Variants in USP43 observed in about 807,000 individuals in gnomAD.
USP43 encodes the protein ubiquitin carboxyl-terminal hydrolase 43.
USP43 carries 33 observed loss-of-function variants against 90.7 expected under a neutral mutation model. The ratio of observed to expected loss-of-function variants is 0.36; its 90% CI spans 0.28 to 0.49. The LOEUF is 0.49. Ranked by LOEUF, USP43 falls within the 20% of genes least tolerant of loss-of-function variation. The probability of loss-of-function intolerance (pLI) is 0.98; values close to 1 mark genes in which losing one functional copy is unlikely to be tolerated. For missense variants in USP43, 1,274 were observed against 1,476.4 expected (o/e 0.86, Z 2.25); for synonymous variants, 598 against 615.8 (o/e 0.97, Z 0.43).
At position 9,712,104 on chromosome 17, in the gene USP43, C is replaced by T. The variant is rs200010925; in HGVS notation, c.2307C>T (p.Phe769=). The part of the protein sequence containing the change: ...SLPQVPDSPI[F]TNSLCNQEKG... The stretch of plus-strand genomic sequence containing the variant: ...CCCAGGTTCCTGACTCTCCCATCTT[C>T]ACCAACAGCCTCTGCAATCAGGAAA... The change falls in exon 14 of 15, where the codon TTC becomes TTT. Residue 769 remains phenylalanine, a synonymous_variant. Coordinates refer to ENST00000285199, the MANE Select transcript of USP43 (RefSeq NM_153210.5). 98 of 1,601,152 alleles carry T rather than the reference C, an allele frequency of 6.1e-5. No individual in the cohort carries two copies. The African/African-American group carries it at 1.2e-3, about 19-fold the overall frequency.
chr17:9,682,452 C>T (rs984766551), intron 6 of USP43, among the ~76,000 whole-genome samples: 1 of 152,162 alleles, frequency 6.6e-6, no homozygotes, highest in Non-Finnish European at 1.5e-5. Flanking sequence ...CATCCACAAT[C>T]CCAGCTACTG....
At chr17:9,647,345 A>G (rs765908976) in intron 1 of USP43, among the ~76,000 whole-genome samples, 7 of 152,102 alleles carry the variant, frequency 4.6e-5, no homozygotes, top group Non-Finnish European at 7.4e-5. Context: ...GTTGTCACTA[A>G]ATGTCTCTTT....
chr17:9,686,905 T>G lies in USP43; in HGVS notation c.1349T>G (p.Val450Gly). ...VRHLMKSEAP[V>G]QNLGSLFSIR... ...CATCTTATGAAGAGTGAGGCCCCTG[T>G]ACAGGTCAGTGGTGTGCATGCGTGT... Residue 450 changes from valine (V) to glycine (G), a missense_variant, in exon 8 of 15, where the codon GTA becomes GGA. This residue lies in a region of USP43 where 253 missense variants were observed against 276.0 expected (regional missense o/e 0.92). Coordinates refer to ENST00000285199, the MANE Select transcript of USP43 (RefSeq NM_153210.5). The surrounding 1 kb of genome is among the most constrained non-coding windows in gnomAD (Gnocchi z 5.5). 2 of 1,613,102 alleles carry G rather than the reference T, an allele frequency of 1.2e-6. No individual in the cohort carries two copies. The highest frequency in any genetic ancestry group is 1.7e-6 in the Non-Finnish European group (2 of 1,179,782).
At chr17:9,659,133 A>G (rs1433497268) in intron 2 of USP43, among the ~76,000 whole-genome samples, 1 of 152,180 alleles carries the variant, frequency 6.6e-6, no homozygotes, top group Non-Finnish European at 1.5e-5. Context: ...AGATAAACAT[A>G]TGTCTACTAT....
Position 9,686,897 on chromosome 17 carries a change from G to A in USP43, c.1341G>A (p.Glu447=). ...LSKVRHLMKS[E]APVQNLGSLF... ...AGGTCCGCCATCTTATGAAGAGTGA[G>A]GCCCCTGTACAGGTCAGTGGTGTGC... Residue 447 remains glutamate, a synonymous_variant, in exon 8 of 15, where the codon GAG becomes GAA. Coordinates refer to ENST00000285199, the MANE Select transcript of USP43 (RefSeq NM_153210.5). This position sits in a 1 kb window ranked among gnomAD's most constrained non-coding sequence, Gnocchi z 5.5. The A allele has an allele frequency of 6.2e-7, 1 of 1,613,486 alleles. No individual in the cohort carries two copies. Among genetic ancestry groups the A allele is most frequent in the Non-Finnish European group, 8.5e-7 (1 of 1,179,834 alleles).
rs144258379 is a variant in USP43, at chr17:9,668,822, T to G, written c.740+2071T>G. On this transcript the variant is annotated intron_variant, in intron 3 of 14. Coordinates refer to ENST00000285199, the MANE Select transcript of USP43 (RefSeq NM_153210.5). ...AAAGCTATTGGCCATGAAAGCCGCT[T>G]GTAGGGCATCTGTCTTATTTATTTA... 8.5e-5 allele frequency among the ~76,000 whole-genome samples: 13 copies of G among 152,078 alleles called. No individual in the cohort carries two copies. In the East Asian group the frequency reaches 2.5e-3, roughly 29 times the overall value.
chr17:9,680,739 G>C (rs773632403), intron 6 of USP43, among the ~76,000 whole-genome samples: 1 of 151,944 alleles, frequency 6.6e-6, no homozygotes, highest in African/African-American at 2.4e-5. Flanking sequence ...ACCACTATTT[G>C]GTATAGATGC....
intron 12 of USP43, among the ~76,000 whole-genome samples, chr17:9,706,968 A>T (rs572114864): frequency 6.6e-6 from 1 of 152,226 alleles, no homozygotes; most frequent in East Asian, 1.9e-4. Context: ...TAGAACTAAC[A>T]TATGTAAGAT....
rs970553048 is a variant in USP43, at chr17:9,700,968, G to A, written c.1536-151G>A. 4 of 903,382 alleles carry A rather than the reference G, an allele frequency of 4.4e-6. No individual in the cohort carries two copies. In the East Asian group the frequency reaches 1.2e-4, roughly 27 times the overall value. 56.0% of individuals were successfully genotyped at this position (903,382 alleles called of 1,614,324 possible). On this transcript the variant is annotated intron_variant, in intron 10 of 14. Transcript: ENST00000285199. ...GTAAAATATAGTGCTGAGTCAGAAGGATGCCTGCAGCTCTCCAGGAACCCA... is the reference window on the plus strand; with the variant it reads ...GTAAAATATAGTGCTGAGTCAGAAGAATGCCTGCAGCTCTCCAGGAACCCA...
rs1357585402 is a variant in USP43 at position 9,680,257 on chromosome 17, T to C, written c.996T>C (p.Ser332=). 1 of 1,613,906 alleles carries C rather than the reference T, an allele frequency of 6.2e-7. No individual in the cohort carries two copies. Among genetic ancestry groups the C allele is most frequent in the Non-Finnish European group, 8.5e-7 (1 of 1,179,846 alleles). ...DEVILVELYP[S]GFQRSFFDEE... is the part of the protein sequence containing the mutation. ...TGATCTTGGTTGAACTGTATCCCAG[T>C]GGATTCCAGCGGTCTTTCTTTGATG... Residue 332 remains serine, a synonymous_variant, in exon 6 of 15, where the codon AGT becomes AGC. Coordinates refer to ENST00000285199, the MANE Select transcript of USP43 (RefSeq NM_153210.5).
At chr17:9,698,635 A>C (rs1219945312) in intron 9 of USP43, among the ~76,000 whole-genome samples, 6 of 152,296 alleles carry the variant, frequency 3.9e-5, no homozygotes, top group South Asian at 4.1e-4. Flanking sequence ...CTCTAGTGAC[A>C]ATCTGATTTC....
chr17:9,675,988 G>A (rs962567771), intron 4 of USP43, among the ~76,000 whole-genome samples: 32 of 152,128 alleles, frequency 2.1e-4, no homozygotes, highest in African/African-American at 7.0e-4. Context: ...GCAGTTATTG[G>A]AGTACAGATC....
chr17:9,669,425 A>G (rs1913250292), intron 3 of USP43, among the ~76,000 whole-genome samples: 3 of 152,092 alleles, frequency 2.0e-5, no homozygotes, highest in Admixed American at 6.5e-5. Flanking sequence ...GTGCCTGCTA[A>G]TGTGCTTGGT....
chr17:9,681,509 T>TATATATATATATATATA (rs58110468), intron 6 of USP43, among the ~76,000 whole-genome samples: 2 of 110,686 alleles, frequency 1.8e-5, no homozygotes, highest in Non-Finnish European at 3.7e-5. Flanking sequence ...TATATATATA[T>TATATATATATATATATA]TTGAGATGGT....
intron 2 of USP43, among the ~76,000 whole-genome samples, chr17:9,659,143 T>C (rs1339629356): frequency 1.3e-5 from 2 of 152,238 alleles, no homozygotes; most frequent in African/African-American, 4.8e-5. Flanking sequence ...ATGTCTACTA[T>C]ACTGTGTATT....
intron 2 of USP43, among the ~76,000 whole-genome samples, chr17:9,664,135 C>T (rs1251339827): frequency 1.3e-5 from 2 of 152,156 alleles, no homozygotes; most frequent in East Asian, 3.8e-4. Flanking sequence ...CATAACTTGT[C>T]TCAATATTTT....
intron 14 of USP43, among the ~76,000 whole-genome samples, chr17:9,727,191 C>T (rs1460879987): frequency 6.6e-6 from 1 of 152,068 alleles, no homozygotes; most frequent in Non-Finnish European, 1.5e-5. Flanking sequence ...AGGCTGGTCT[C>T]GAACTCCTGA....
intron 9 of USP43, among the ~76,000 whole-genome samples, chr17:9,697,773 A>C (rs1001399194): frequency 6.6e-6 from 1 of 151,026 alleles, no homozygotes; most frequent in African/African-American, 2.4e-5. Context: ...TGGCCTTACT[A>C]TTATGACTAG....
At chr17:9,714,985 C>CA (rs1210703743) in intron 14 of USP43, among the ~76,000 whole-genome samples, 2 of 152,178 alleles carry the variant, frequency 1.3e-5, no homozygotes, top group African/African-American at 4.8e-5. Context: ...GGCCTGCCTG[C>CA]AGCAGGTGGA....
Sources: gnomAD v4.1 joint callset for allele counts (sites outside exome capture counted in the v4.1 genomes callset) on GRCh38, gnomAD v4.1.1 for gene constraint, gnomAD v4.1.1 regional missense constraint, Gnocchi (gnomAD v3.1) non-coding constraint, MANE v1.5 for transcripts, NCBI Gene and HGNC (gene_info 2026-07-23, HGNC 2026-07-21) for gene names.